The following GLI3 variants were observed in gnomAD, a reference collection of about 807,000 sequenced individuals.
GLI3 encodes transcription activator GLI3.
Under a neutral mutation model 100.8 loss-of-function variants are expected in GLI3, and 20 were observed. The observed-to-expected ratio is 0.20, with a 90% CI of 0.14 to 0.29. The LOEUF (loss-of-function observed/expected upper bound fraction) is 0.29. Ranked by LOEUF, GLI3 falls within the 10% of genes least tolerant of loss-of-function variation. The pLI is 1.00. For missense variants in GLI3, 2,040 were observed against 2,128.5 expected, an observed-to-expected ratio of 0.96 and a Z score of 0.82; for synonymous variants, 938 against 860.5, an observed-to-expected ratio of 1.09 and a Z score of -1.58.
intron 2 of GLI3, among the ~76,000 whole-genome samples, chr7:42,198,104 C>A (rs1182095451): frequency 1.3e-5 from 2 of 152,118 alleles, no homozygotes; most frequent in Non-Finnish European, 2.9e-5. Context: ...TTTATACCTA[C>A]TCATTCATTC....
intron 1 of GLI3, among the ~76,000 whole-genome samples, chr7:42,253,037 T>C (rs1789049384): frequency 4.6e-5 from 2 of 43,860 alleles, no homozygotes; most frequent in South Asian, 5.0e-4. Flanking sequence ...GCAATCATAG[T>C]CTTAAATAAT....
chr7:42,069,426 A>G (rs573839477), intron 4 of GLI3, among the ~76,000 whole-genome samples: 2 of 152,330 alleles, frequency 1.3e-5, no homozygotes, highest in Non-Finnish European at 2.9e-5. Flanking sequence ...ATCTTTTCCT[A>G]ACTATGAGGA....
At chr7:42,200,501 T>C (rs1562783589) in intron 2 of GLI3, among the ~76,000 whole-genome samples, 1 of 152,190 alleles carries the variant, frequency 6.6e-6, no homozygotes, top group Admixed American at 6.5e-5. Context: ...CCGTATCCAC[T>C]ATTTTAAAGT....
intron 10 of GLI3, among the ~76,000 whole-genome samples, chr7:42,014,770 T>G (rs546175224): frequency 6.6e-6 from 1 of 152,154 alleles, no homozygotes; most frequent in Non-Finnish European, 1.5e-5. Context: ...AGATCGGACA[T>G]GCATGAAGCG....
chr7:42,051,228 C>T (rs948229012), intron 4 of GLI3, among the ~76,000 whole-genome samples: 1 of 152,140 alleles, frequency 6.6e-6, no homozygotes, highest in African/African-American at 2.4e-5. Context: ...ATCAGGCAGT[C>T]ATAAGGGGGT....
intron 3 of GLI3, among the ~76,000 whole-genome samples, chr7:42,090,017 G>A (rs993628603): frequency 4.6e-5 from 7 of 152,118 alleles, no homozygotes; most frequent in African/African-American, 7.2e-5. Flanking sequence ...AGGCTATAAC[G>A]GTACGGTAGC....
At chr7:42,022,937 T>A (rs1003217030) in intron 10 of GLI3, among the ~76,000 whole-genome samples, 3 of 152,168 alleles carry the variant, frequency 2.0e-5, no homozygotes, top group African/African-American at 7.2e-5. Flanking sequence ...CACTTACAAC[T>A]TTTTCCATGA....
chr7:42,049,578 T>TA (rs1344540434), intron 4 of GLI3, among the ~76,000 whole-genome samples: 2 of 152,210 alleles, frequency 1.3e-5, no homozygotes, highest in Non-Finnish European at 2.9e-5. Flanking sequence ...TTTTGGTTAA[T>TA]AAAAATAAAT....
chr7:42,134,096 GA>G (rs897480480), intron 3 of GLI3, among the ~76,000 whole-genome samples: 47 of 136,628 alleles, frequency 3.4e-4, no homozygotes, highest in African/African-American at 9.7e-4. Context: ...AAAAAAAAAA[GA>G]AAAAAAAATC....
At chr7:42,030,696 G>GTTTTTTTTTTTTTT (rs201325272) in intron 7 of GLI3, among the ~76,000 whole-genome samples, 2 of 133,470 alleles carry the variant, frequency 1.5e-5, no homozygotes. Flanking sequence ...TTGTTGATTT[G>GTTTTTTTTTTTTTT]TTTTTTTTTT....
At chr7:42,261,439 T>TCATC (rs3057284) in intron 1 of GLI3, among the ~76,000 whole-genome samples, 1 of 151,044 alleles carries the variant, frequency 6.6e-6, no homozygotes, top group African/African-American at 2.4e-5. Context: ...AGATCACTCC[T>TCATC]CATCCATCCA....
chr7:42,255,079 T>C (rs2128710938), intron 1 of GLI3, among the ~76,000 whole-genome samples: 1 of 151,980 alleles, frequency 6.6e-6, no homozygotes, highest in Non-Finnish European at 1.5e-5. Context: ...TGTTTCTGTT[T>C]TTTTTTTTGC....
chr7:42,093,296 T>C (rs1785267196), intron 3 of GLI3, among the ~76,000 whole-genome samples: 1 of 151,366 alleles, frequency 6.6e-6, no homozygotes, highest in Non-Finnish European at 1.5e-5. Flanking sequence ...GGAGAATCAC[T>C]TGAACCCGGG....
intron 2 of GLI3, among the ~76,000 whole-genome samples, chr7:42,150,551 C>T (rs888837223): frequency 7.9e-5 from 12 of 152,160 alleles, no homozygotes; most frequent in Non-Finnish European, 2.9e-5. Flanking sequence ...CTGAAATGAA[C>T]TTCTAGCACT....
At chr7:42,113,552 A>G (rs1326844362) in intron 3 of GLI3, 36 of 1,179,114 alleles carry the variant, frequency 3.1e-5, no homozygotes, top group Non-Finnish European at 4.4e-5. Flanking sequence ...GGAGGGGAAT[A>G]ACCCTACAGA....
At chr7:42,073,480 A>C (rs1784822254) in intron 4 of GLI3, among the ~76,000 whole-genome samples, 1 of 152,260 alleles carries the variant, frequency 6.6e-6, no homozygotes, top group Non-Finnish European at 1.5e-5. Context: ...GAGGCAAATT[A>C]AGTGTCAAAC....
intron 4 of GLI3, among the ~76,000 whole-genome samples, chr7:42,051,773 A>G (rs377271122): frequency 6.6e-6 from 1 of 152,280 alleles, no homozygotes; most frequent in East Asian, 1.9e-4. Flanking sequence ...CTACATATAA[A>G]TAGCCTCCTG....
chr7:42,023,628 G>A lies in GLI3; in HGVS notation c.1357-20C>T. On this transcript the variant is annotated intron_variant, in intron 9 of 14. Coordinates refer to ENST00000395925, the MANE Select transcript of GLI3 (RefSeq NM_000168.6). ...CTGTTCCTGAAAGAAGAGGGTGGGG[G>A]GCAGGGAACAGAGAAGGGGGAAGAA... 2 of 1,591,456 alleles carry A rather than the reference G, an allele frequency of 1.3e-6. No homozygotes were observed. Among genetic ancestry groups the A allele is most frequent in the South Asian group, 1.1e-5 (1 of 90,608 alleles).
At chr7:42,068,624 G>C (rs1172693631) in intron 4 of GLI3, among the ~76,000 whole-genome samples, 1 of 152,288 alleles carries the variant, frequency 6.6e-6, no homozygotes, top group South Asian at 2.1e-4. Flanking sequence ...CCCCGGGGCA[G>C]GGATGGGGAT....
Sources: gnomAD v4.1 joint callset for allele counts (sites outside exome capture counted in the v4.1 genomes callset) on GRCh38, gnomAD v4.1.1 for gene constraint, MANE v1.5 for transcripts, NCBI Gene and HGNC (gene_info 2026-07-23, HGNC 2026-07-21) for gene names.